Variants in PDCD11 observed in about 807,000 individuals in gnomAD.
PDCD11 encodes protein RRP5 homolog.
Under a neutral mutation model 198.9 loss-of-function variants are expected in PDCD11, and 97 were observed. The ratio of observed to expected loss-of-function variants is 0.49; its 90% confidence interval spans 0.41 to 0.58. PDCD11 has a LOEUF of 0.58. PDCD11 is among the 20% of genes least tolerant of loss of function. The pLI is 0.00. For missense variants in PDCD11, 2,102 were observed against 2,312.7 expected (o/e 0.91, Z 1.87); for synonymous variants, 893 against 918.0 (o/e 0.97, Z 0.49).
Position 103,409,753 on chromosome 10 carries a change from G to A in PDCD11, c.925G>A (p.Asp309Asn). ...CCTCACATTCTTCACGGGCGTGGTT[G>A]ACTTTATGCACCTGGATCCCAAGAA... ...NFLTFFTGVV[D>N]FMHLDPKKAG... The change falls in exon 8 of 36, where the codon GAC becomes AAC. Residue 309 changes from aspartate to asparagine, a missense_variant. Physicochemically the swap from Asp to Asn is conservative, Grantham distance 23. Transcript: ENST00000369797. The A allele has an allele frequency of 6.2e-7, 1 of 1,614,072 alleles. No individual in the cohort carries two copies. The highest frequency in any genetic ancestry group is 1.1e-5 in the South Asian group (1 of 91,076).
At chr10:103,400,096 T>C (rs1360967914) in intron 2 of PDCD11, among the ~76,000 whole-genome samples, 1 of 152,108 alleles carries the variant, frequency 6.6e-6, no homozygotes, top group Non-Finnish European at 1.5e-5. Flanking sequence ...CTATTCTACA[T>C]TGCTTCTCAA....
chr10:103,418,401 A>T (rs1372265417), intron 14 of PDCD11, 39 bp from the exon 15 acceptor site: 1 of 1,534,954 alleles, frequency 6.5e-7, no homozygotes, highest in Non-Finnish European at 9.0e-7. Context: ...TTCTCTGTTC[A>T]TGACAAGTGC....
chr10:103,438,835 A>G, intron 27 of PDCD11, 27 bp downstream of exon 27: 2 of 1,612,444 alleles, frequency 1.2e-6, no homozygotes, highest in Non-Finnish European at 1.7e-6. Context: ...CTGCACCCGG[A>G]CCCAAGTGCC....
At position 103,404,705 on chromosome 10, in the gene PDCD11, TGA is replaced by T. The variant is rs2030337537; in HGVS notation, c.403-313_403-312del. ...TTCTATGGGAGATAGAGTGGTGGAGTGAGAGGGGTGGAAAGCAGATTGCAGTG... is the reference window on the plus strand; with the variant it reads ...TTCTATGGGAGATAGAGTGGTGGAGTGAGGGGTGGAAAGCAGATTGCAGTG... On this transcript the variant is annotated intron_variant, in intron 4 of 35. Coordinates refer to ENST00000369797, the MANE Select transcript of PDCD11 (RefSeq NM_014976.2). Among the ~76,000 whole-genome samples, 7 of 151,794 alleles carry T rather than the reference TGA, an allele frequency of 4.6e-5. No homozygotes were observed. The South Asian group carries it at 1.5e-3, about 32-fold the overall frequency.
At chr10:103,400,215 CG>C (rs746450499) in intron 2 of PDCD11, among the ~76,000 whole-genome samples, 181 bp from the exon 3 acceptor site, 3 of 141,134 alleles carry the variant, frequency 2.1e-5, no homozygotes, top group Non-Finnish European at 4.6e-5. Context: ...GGAACATTGG[CG>C]GCCCCCCCCC....
At chr10:103,442,562 TG>T in intron 32 of PDCD11, 102 bp downstream of exon 32, 1 of 1,348,344 alleles carries the variant, frequency 7.4e-7, no homozygotes. Flanking sequence ...GGCAGCATTT[TG>T]GGTGGCTGCC....
intron 24 of PDCD11, 94 bp downstream of exon 24, chr10:103,434,444 C>T (rs1373132528): frequency 1.8e-5 from 15 of 811,010 alleles, no homozygotes; most frequent in South Asian, 2.9e-5. Context: ...AGGACCCCTT[C>T]GGTATTGGAA....
intron 12 of PDCD11, among the ~76,000 whole-genome samples, chr10:103,415,871 G>A (rs1370020896): frequency 6.6e-6 from 1 of 152,186 alleles, no homozygotes; most frequent in Non-Finnish European, 1.5e-5. Flanking sequence ...GGGTTGTGAA[G>A]ATCCAACATG....
chr10:103,444,378 G>T, intron 34 of PDCD11, 139 bp from the exon 35 acceptor site: 1 of 817,196 alleles, frequency 1.2e-6, no homozygotes, highest in East Asian at 2.6e-5. Flanking sequence ...ACCCCTTTTG[G>T]GTCTTTGTCC....
Position 103,407,774 on chromosome 10 carries a change from A to C in PDCD11, c.870+984A>C, listed in dbSNP as rs1037821203. The stretch of plus-strand genomic sequence containing the variant: ...CGCCCTGTTGCCCAGGCTGGCATGC[A>C]GTGGCGTGATCTCGGGTCACTGCAA... On this transcript the variant is annotated intron_variant, in intron 7 of 35. Transcript: ENST00000369797. 2.6e-5 allele frequency among the ~76,000 whole-genome samples: 4 copies of C among 151,406 alleles called. No homozygotes were observed. The South Asian group carries it at 6.3e-4, about 24-fold the overall frequency.
chr10:103,444,893 G>A (rs750463606), intron 35 of PDCD11, among the ~76,000 whole-genome samples: 1 of 152,224 alleles, frequency 6.6e-6, no homozygotes, highest in Non-Finnish European at 1.5e-5. Flanking sequence ...GTAGGAGGTA[G>A]CCTTGTCAAG....
In PDCD11 at chr10:103,415,304, C is replaced by G. The variant is rs367637114; in HGVS notation, c.1518+153C>G. Among the ~76,000 whole-genome samples, 6 of 152,082 alleles carry G rather than the reference C, an allele frequency of 3.9e-5. No individual in the cohort carries two copies. The East Asian group carries it at 7.7e-4, about 20-fold the overall frequency. On this transcript the variant is annotated intron_variant, in intron 12 of 35. Transcript: ENST00000369797. Reference sequence around the variant, plus strand: ...CATTGGGAAGAGAAAAGTGAGTCCCCGTTTTGTGTAGTATAATTGGGAGTT... The same window carrying G: ...CATTGGGAAGAGAAAAGTGAGTCCCGGTTTTGTGTAGTATAATTGGGAGTT...
intron 3 of PDCD11, among the ~76,000 whole-genome samples, chr10:103,402,029 A>G (rs904079711): frequency 1.3e-5 from 2 of 152,256 alleles, no homozygotes; most frequent in African/African-American, 4.8e-5. Context: ...GGCGTGAGCC[A>G]CTGCACCTGG....
intron 31 of PDCD11, 110 bp from the exon 32 acceptor site, chr10:103,442,103 G>T (rs749891004): frequency 5.2e-6 from 8 of 1,548,176 alleles, no homozygotes; most frequent in Admixed American, 1.7e-5. Context: ...CCCAGGCCAG[G>T]GGGTATATAT....
chr10:103,398,809 A>G (rs1045833875), intron 2 of PDCD11, among the ~76,000 whole-genome samples: 8 of 152,310 alleles, frequency 5.3e-5, no homozygotes, highest in South Asian at 2.1e-4. Flanking sequence ...ACTTGAGGCT[A>G]GGAATTCAAG....
At chr10:103,407,859 C>T (rs2030557510) in intron 7 of PDCD11, among the ~76,000 whole-genome samples, 1 of 152,016 alleles carries the variant, frequency 6.6e-6, no homozygotes, top group Non-Finnish European at 1.5e-5. Context: ...GCTGGGACTA[C>T]AGGCATACAC....
At chr10:103,410,106 A>G (rs2030704817) in intron 8 of PDCD11, among the ~76,000 whole-genome samples, 2 of 152,088 alleles carry the variant, frequency 1.3e-5, no homozygotes, top group African/African-American at 4.8e-5. Context: ...GTGGTGGCGC[A>G]TGCCTGTAGT....
chr10:103,441,880 G>T lies in PDCD11; in HGVS notation c.4612G>T (p.Ala1538Ser). The change falls in exon 31 of 36, where the codon GCT (alanine) becomes TCT (serine). Residue 1538 changes from alanine to serine, a missense_variant. By Grantham distance (99) the Ala-to-Ser change is moderately conservative (BLOSUM62 1). Coordinates refer to ENST00000369797, the MANE Select transcript of PDCD11 (RefSeq NM_014976.2). The part of the protein sequence containing the change: ...APRLQLSSGF[A>S]WNVGLDSLTP... ...CCGGCTGCAGCTGTCTTCAGGCTTC[G>T]CTTGGAATGTGGGACTAGACTCTCT... 6.2e-7 allele frequency: 1 copy of T among 1,614,168 alleles called. No individual in the cohort carries two copies. Among genetic ancestry groups the T allele is most frequent in the Admixed American group, 1.7e-5 (1 of 60,028 alleles).
chr10:103,428,132 C>T (rs1217875465), intron 21 of PDCD11, among the ~76,000 whole-genome samples: 1 of 152,004 alleles, frequency 6.6e-6, no homozygotes, highest in Non-Finnish European at 1.5e-5. Context: ...ATGGCGAAAC[C>T]CCATCTCTAC....
Sources: gnomAD v4.1 joint callset for allele counts (sites outside exome capture counted in the v4.1 genomes callset) on GRCh38, gnomAD v4.1.1 for gene constraint, MANE v1.5 for transcripts, NCBI Gene and HGNC (gene_info 2026-07-23, HGNC 2026-07-21) for gene names.